Variants in FRY observed in about 807,000 individuals in gnomAD.
FRY encodes the protein protein furry homolog.
A neutral mutation model predicts 348.4 loss-of-function variants in FRY; 128 were observed. The observed-to-expected ratio is 0.37, with a 90% confidence interval of 0.32 to 0.43. The LOEUF is 0.43. Among genes scored for constraint, FRY ranks in the 20% least tolerant of loss-of-function variants. FRY has a pLI of 1.00. For missense variants in FRY, 2,736 were observed against 3,695.2 expected (o/e 0.74, Z 6.73); for synonymous variants, 1,370 against 1,374.7 (o/e 1.00, Z 0.08).
At chr13:32,073,459 C>T (rs1418977350) in intron 1 of FRY, among the ~76,000 whole-genome samples, 1 of 152,182 alleles carries the variant, frequency 6.6e-6, no homozygotes, top group East Asian at 1.9e-4. Flanking sequence ...GCAGGTCCCT[C>T]TAGCCACTTA....
intron 58 of FRY, among the ~76,000 whole-genome samples, chr13:32,284,859 G>C (rs1159392997): frequency 1.3e-5 from 2 of 152,092 alleles, no homozygotes; most frequent in Non-Finnish European, 2.9e-5. Context: ...TTACTGACTG[G>C]TTATGTCATA....
At chr13:32,180,207 G>T (rs561255098) in intron 23 of FRY, among the ~76,000 whole-genome samples, 1 of 151,936 alleles carries the variant, frequency 6.6e-6, no homozygotes, top group East Asian at 1.9e-4. Context: ...AATGTGTTCA[G>T]TTCCATTGGT....
At chr13:32,281,016 C>T (rs1039091929) in intron 58 of FRY, among the ~76,000 whole-genome samples, 1 of 152,170 alleles carries the variant, frequency 6.6e-6, no homozygotes, top group Non-Finnish European at 1.5e-5. Context: ...TGTTTTTACT[C>T]ATTTCCTATT....
chr13:32,234,779 A>G lies in FRY; in HGVS notation c.5715+18A>G, dbSNP rs1886134457. ...AGATTCAGGTATGGAAGGGAAGACC[A>G]CTGAGCTCGTGAAGGATGAGCTCTC... On this transcript the variant is annotated intron_variant, in intron 42 of 60. Transcript: ENST00000542859. 3 of 1,604,276 alleles carry G rather than the reference A, an allele frequency of 1.9e-6. No individual in the cohort carries two copies. The highest frequency in any genetic ancestry group is 2.2e-5 in the East Asian group (1 of 44,834).
At chr13:32,168,172 G>A (rs957551215) in intron 17 of FRY, among the ~76,000 whole-genome samples, 10 of 152,178 alleles carry the variant, frequency 6.6e-5, no homozygotes, top group Admixed American at 5.2e-4. Flanking sequence ...TTGTCTGAAG[G>A]CCGGCATGCT....
chr13:32,051,198 C>T (rs756135419), intron 1 of FRY, among the ~76,000 whole-genome samples: 18 of 152,174 alleles, frequency 1.2e-4, no homozygotes, highest in East Asian at 7.7e-4. Flanking sequence ...GGAAAATGAC[C>T]GTTTCCCTTT....
intron 16 of FRY, among the ~76,000 whole-genome samples, chr13:32,158,453 C>T (rs571225551): frequency 4.0e-4 from 61 of 152,120 alleles, no homozygotes; most frequent in African/African-American, 1.4e-3. Context: ...ACTTTTCAAC[C>T]GAAATAATAG....
At chr13:32,074,934 T>G (rs1361330615) in intron 1 of FRY, among the ~76,000 whole-genome samples, 1 of 152,156 alleles carries the variant, frequency 6.6e-6, no homozygotes, top group East Asian at 1.9e-4. Flanking sequence ...ACCTGGACCC[T>G]GAAAGGTAGG....
At chr13:32,107,914 A>G (rs1383738681) in intron 3 of FRY, among the ~76,000 whole-genome samples, 2 of 152,218 alleles carry the variant, frequency 1.3e-5, no homozygotes, top group Non-Finnish European at 2.9e-5. Context: ...AGATGTATAT[A>G]CTATCACTAT....
At chr13:32,112,164 G>C (rs1305549719) in intron 3 of FRY, among the ~76,000 whole-genome samples, 1 of 151,868 alleles carries the variant, frequency 6.6e-6, no homozygotes, top group African/African-American at 2.4e-5. Context: ...CTTCAGCTCT[G>C]GTGAATAAAA....
rs146702805 is a variant in FRY at position 32,213,852 on chromosome 13, A to G, written c.4682+1470A>G. Among the ~76,000 whole-genome samples the G allele has an allele frequency of 2.4e-3, 363 of 152,350 alleles. 1 individual carries two copies. The highest frequency in any genetic ancestry group is 8.5e-3 in the African/African-American group (355 of 41,580). ...GTGGTGCCTTTGAACTTAAGAAGCC[A>G]GTAATCTCTCTAATATCAAGATCAC... On this transcript the variant is annotated intron_variant, in intron 35 of 60. Transcript: ENST00000542859.
intron 50 of FRY, 101 bp from the exon 51 acceptor site, chr13:32,254,123 T>C: frequency 9.9e-7 from 1 of 1,005,646 alleles, no homozygotes; most frequent in Non-Finnish European, 1.6e-6. Context: ...GAATTAGGTG[T>C]GTACTGGAAA....
At chr13:32,274,479 G>GGAGAAT (rs1888388103) in intron 55 of FRY, among the ~76,000 whole-genome samples, 1 of 150,690 alleles carries the variant, frequency 6.6e-6, no homozygotes, top group South Asian at 2.1e-4. Flanking sequence ...AGGCCGAGGC[G>GGAGAAT]GGCGGATCAC....
At chr13:32,265,305 G>T (rs553068936) in intron 53 of FRY, 145 bp from the exon 54 acceptor site, 9 of 758,866 alleles carry the variant, frequency 1.2e-5, no homozygotes, top group African/African-American at 1.7e-5. Context: ...GCCTAGAAAC[G>T]GACTATACTG....
At chr13:32,061,006 G>A in intron 1 of FRY, 1 of 470,590 alleles carries the variant, frequency 2.1e-6, no homozygotes. Flanking sequence ...GTGGCAGTGA[G>A]CAACAGGACC....
chr13:32,124,690 A>AT lies in FRY; in HGVS notation c.635+12dup, dbSNP rs749233691. 3.2e-6 allele frequency: 5 copies of AT among 1,548,702 alleles called. No homozygotes were observed. The highest frequency in any genetic ancestry group is 4.5e-6 in the Non-Finnish European group (5 of 1,120,416). On this transcript the variant is annotated intron_variant, in intron 6 of 60. Coordinates refer to ENST00000542859, the MANE Select transcript of FRY (RefSeq NM_023037.3). ...TTTAAATACAAAGAAGGGTAAGATGATTTCTCACCTTAGAATGTTGAAGTT... is the reference window on the plus strand; with the variant it reads ...TTTAAATACAAAGAAGGGTAAGATGATTTTCTCACCTTAGAATGTTGAAGTT...
chr13:32,223,550 A>G (rs1885424440), intron 36 of FRY, among the ~76,000 whole-genome samples: 1 of 152,022 alleles, frequency 6.6e-6, no homozygotes, highest in Non-Finnish European at 1.5e-5. Flanking sequence ...CCAAGGTGGG[A>G]GGATCACTTG....
At chr13:32,066,028 A>G (rs971025470) in intron 1 of FRY, among the ~76,000 whole-genome samples, 1 of 152,198 alleles carries the variant, frequency 6.6e-6, no homozygotes, top group African/African-American at 2.4e-5. Context: ...CTATTATCAC[A>G]TCTAATAAAA....
intron 2 of FRY, among the ~76,000 whole-genome samples, chr13:32,089,461 G>A (rs1187188577): frequency 6.6e-6 from 1 of 152,032 alleles, no homozygotes; most frequent in Non-Finnish European, 1.5e-5. Context: ...AGACTATGCA[G>A]GCCACAGAGA....
Sources: allele counts gnomAD v4.1 joint callset (sites outside exome capture counted in the v4.1 genomes callset), GRCh38; gene constraint gnomAD v4.1.1; transcripts MANE v1.5; gene names NCBI Gene and HGNC (gene_info 2026-07-23, HGNC 2026-07-21).